Variants in PSMA8 observed in about 807,000 individuals in gnomAD.
PSMA8 encodes the protein proteasome 20S subunit alpha 8.
A neutral mutation model predicts 32.4 loss-of-function variants in PSMA8; 18 were observed. The ratio of observed to expected loss-of-function variants is 0.56; its 90% confidence interval spans 0.38 to 0.82. The LOEUF is 0.82. Ranked by LOEUF, PSMA8 falls within the 40% of genes least tolerant of loss-of-function variation. The pLI is 0.00. For synonymous variants in PSMA8, 104 were observed against 98.1 expected (o/e 1.06, Z -0.36); for missense variants, 298 against 300.7 (o/e 0.99, Z 0.07).
At chr18:26,166,510 G>A (rs73405472) in intron 4 of PSMA8, among the ~76,000 whole-genome samples, 1 of 152,102 alleles carries the variant, frequency 6.6e-6, no homozygotes, top group South Asian at 2.1e-4. Flanking sequence ...CATAAAGATT[G>A]TTAGTTTTAT....
intron 6 of PSMA8, among the ~76,000 whole-genome samples, chr18:26,191,799 C>T (rs1324803119): frequency 6.6e-6 from 1 of 152,158 alleles, no homozygotes; most frequent in Non-Finnish European, 1.5e-5. Flanking sequence ...CTTGGATCTA[C>T]TTGTGAACAG....
At chr18:26,144,475 T>C in intron 1 of PSMA8, 84 bp from the exon 2 acceptor site, 2 of 1,159,280 alleles carry the variant, frequency 1.7e-6, no homozygotes, top group South Asian at 2.9e-5. Context: ...GAGAAGTCAT[T>C]TCCCCTAAGT....
chr18:26,172,964 T>A (rs532340996), intron 4 of PSMA8, among the ~76,000 whole-genome samples: 2 of 152,306 alleles, frequency 1.3e-5, no homozygotes, highest in African/African-American at 4.8e-5. Flanking sequence ...TGGCCACTAA[T>A]ACAGTCCTGA....
At chr18:26,171,626 T>C (rs2055222583) in intron 4 of PSMA8, among the ~76,000 whole-genome samples, 1 of 151,948 alleles carries the variant, frequency 6.6e-6, no homozygotes, top group African/African-American at 2.4e-5. Context: ...CCCAGCTACT[T>C]GGGAGGCTGA....
At chr18:26,134,995 C>T (rs1457857358) in intron 1 of PSMA8, among the ~76,000 whole-genome samples, 1 of 152,036 alleles carries the variant, frequency 6.6e-6, no homozygotes, top group Non-Finnish European at 1.5e-5. Context: ...CCAATATTTC[C>T]CAGCCTTGTA....
At chr18:26,155,456 A>G (rs2055081439) in intron 3 of PSMA8, among the ~76,000 whole-genome samples, 1 of 152,214 alleles carries the variant, frequency 6.6e-6, no homozygotes, top group African/African-American at 2.4e-5. Context: ...TAAAAAGCAG[A>G]CACATAGGCC....
intron 1 of PSMA8, among the ~76,000 whole-genome samples, chr18:26,139,826 G>A (rs2054940461): frequency 1.3e-5 from 2 of 152,098 alleles, no homozygotes; most frequent in Admixed American, 1.3e-4. Flanking sequence ...GAAAAAAGGT[G>A]GGATTAAAGT....
chr18:26,143,577 C>T (rs1291238852), intron 1 of PSMA8, among the ~76,000 whole-genome samples: 3 of 152,090 alleles, frequency 2.0e-5, no homozygotes, highest in Admixed American at 6.5e-5. Flanking sequence ...TTGTCGTAGA[C>T]CTTATTGTTT....
At chr18:26,179,873 T>C (rs550431552) in intron 6 of PSMA8, among the ~76,000 whole-genome samples, 106 of 150,502 alleles carry the variant, frequency 7.0e-4, no homozygotes, top group African/African-American at 2.2e-3. Flanking sequence ...TCACTTGAGG[T>C]CAGGAGTTCA....
At chr18:26,187,671 A>G (rs1297231175) in intron 6 of PSMA8, among the ~76,000 whole-genome samples, 2 of 152,322 alleles carry the variant, frequency 1.3e-5, no homozygotes, top group East Asian at 1.9e-4. Flanking sequence ...GGCAAAAACT[A>G]TAAGAAGAGA....
chr18:26,184,082 G>A (rs969025373), intron 6 of PSMA8, among the ~76,000 whole-genome samples: 1 of 150,778 alleles, frequency 6.6e-6, no homozygotes, highest in African/African-American at 2.5e-5. Flanking sequence ...CTACAGTATA[G>A]TGTAAACATA....
rs1328270121 is a variant in PSMA8 at position 26,133,935 on chromosome 18, G to C, written c.-31G>C. 3.2e-6 allele frequency: 5 copies of C among 1,576,580 alleles called. No homozygotes were observed. In the African/African-American group the frequency reaches 6.7e-5, roughly 21 times the overall value. ...CTTGCCTCAGCTGCAGCAGCGGGAAGCTCGGTGGCAAGCCCTTGTAGTCCT... is the reference window on the plus strand; with the variant it reads ...CTTGCCTCAGCTGCAGCAGCGGGAACCTCGGTGGCAAGCCCTTGTAGTCCT... On this transcript the variant is annotated 5_prime_UTR_variant, in exon 1 of 7. Coordinates refer to ENST00000415576, the MANE Select transcript of PSMA8 (RefSeq NM_001025096.2).
At chr18:26,138,528 A>G (rs2054930228) in intron 1 of PSMA8, among the ~76,000 whole-genome samples, 1 of 152,216 alleles carries the variant, frequency 6.6e-6, no homozygotes, top group African/African-American at 2.4e-5. Context: ...TGATTTGCTT[A>G]GTGACAGATG....
intron 6 of PSMA8, among the ~76,000 whole-genome samples, chr18:26,189,216 A>C (rs1270878841): frequency 6.6e-6 from 1 of 152,164 alleles, no homozygotes; most frequent in Non-Finnish European, 1.5e-5. Context: ...TCAAAAGAAG[A>C]CATACAAATG....
intron 1 of PSMA8, among the ~76,000 whole-genome samples, chr18:26,138,011 G>C (rs1242466620): frequency 6.6e-6 from 1 of 152,200 alleles, no homozygotes; most frequent in African/African-American, 2.4e-5. Flanking sequence ...TCTGTCAACT[G>C]AAAGGCATTC....
chr18:26,193,263 C>T lies in PSMA8; in HGVS notation c.*852C>T, dbSNP rs532327118. On this transcript the variant is annotated 3_prime_UTR_variant, in exon 7 of 7. Coordinates refer to ENST00000415576, the MANE Select transcript of PSMA8 (RefSeq NM_001025096.2). The stretch of plus-strand genomic sequence containing the variant: ...AAATATAAAAAGTGATCTCTGCCCA[C>T]GGAAAGGATTTAATCCAAATGGTCC... 24 of 152,190 alleles carry T rather than the reference C, an allele frequency of 1.6e-4. 1 individual carries two copies. The South Asian group carries it at 4.0e-3, about 25-fold the overall frequency. The allele number at this position is 152,190 out of a possible 1,614,324, so 9.4% of individuals were successfully genotyped here.
intron 6 of PSMA8, among the ~76,000 whole-genome samples, chr18:26,187,687 AAG>A (rs1385058275): frequency 6.6e-6 from 1 of 152,306 alleles, no homozygotes; most frequent in Non-Finnish European, 1.5e-5. Context: ...AGAGACAAAA[AAG>A]GTCACTATAT....
intron 2 of PSMA8, among the ~76,000 whole-genome samples, chr18:26,145,294 T>C (rs1346371070): frequency 6.6e-6 from 1 of 152,068 alleles, no homozygotes; most frequent in Non-Finnish European, 1.5e-5. Flanking sequence ...AATTTTGTAT[T>C]TTTAGTGGAG....
At chr18:26,166,434 C>T (rs147753049) in intron 4 of PSMA8, among the ~76,000 whole-genome samples, 19 of 152,198 alleles carry the variant, frequency 1.2e-4, no homozygotes, top group Non-Finnish European at 2.1e-4. Flanking sequence ...TTTTTCTTTA[C>T]CACCATACAT....
Sources: gnomAD v4.1 joint callset for allele counts (sites outside exome capture counted in the v4.1 genomes callset) on GRCh38, gnomAD v4.1.1 for gene constraint, MANE v1.5 for transcripts, NCBI Gene and HGNC (gene_info 2026-07-23, HGNC 2026-07-21) for gene names.